R3HDM1: variants seen among roughly 807,000 people sequenced by gnomAD.
R3HDM1 encodes the protein R3H domain containing 1, also known as R3H domain-containing protein 1.
R3HDM1 carries 46 observed loss-of-function variants against 141.1 expected under a neutral mutation model. That is an observed-to-expected ratio of 0.33 (90% CI 0.26 to 0.42). The LOEUF is 0.42. Among genes scored for constraint, R3HDM1 ranks in the 10% least tolerant of loss-of-function variants. The probability of loss-of-function intolerance (pLI) is 1.00; values close to 1 mark genes in which losing one functional copy is unlikely to be tolerated. For missense variants in R3HDM1, 1,184 were observed against 1,368.3 expected, an observed-to-expected ratio of 0.87 and a Z score of 2.12; for synonymous variants, 435 against 472.9, an observed-to-expected ratio of 0.92 and a Z score of 1.04.
intron 1 of R3HDM1, among the ~76,000 whole-genome samples, chr2:135,543,771 C>T (rs1314072615): frequency 6.6e-6 from 1 of 152,164 alleles, no homozygotes; most frequent in African/African-American, 2.4e-5. Context: ...CCTGCTTTTG[C>T]ATTCACTCTG....
intron 23 of R3HDM1, 143 bp from the exon 24 acceptor site, chr2:135,715,407 G>A (rs531822177): frequency 2.3e-6 from 2 of 888,448 alleles, no homozygotes; most frequent in African/African-American, 3.4e-5. Context: ...TCTGTTACCA[G>A]TGTTTATTTT....
At position 135,708,958 on chromosome 2, in the gene R3HDM1, C is replaced by CAAAAA. The variant is rs374959932; in HGVS notation, c.2460-459_2460-455dup. 4.9e-5 allele frequency among the ~76,000 whole-genome samples: 5 copies of CAAAAA among 102,910 alleles called. 1 individual carries two copies. The highest frequency in any genetic ancestry group is 5.5e-5 in the Non-Finnish European group (3 of 54,818). 67.5% of individuals were successfully genotyped at this position (102,910 alleles called of 152,430 possible). A position where few individuals can be genotyped will look rare whatever the true frequency, so the allele number is the denominator to read the frequency against. On this transcript the variant is annotated intron_variant, in intron 21 of 26. Transcript: ENST00000683871. ...TGGGTGACAGGGCAGAACTCTGTCT[C>CAAAAA]AAAAAAAAAAAAAAAAAAAACTAAC...
At chr2:135,600,625 G>A (rs561065922) in intron 1 of R3HDM1, among the ~76,000 whole-genome samples, 228 of 152,254 alleles carry the variant, frequency 1.5e-3, no homozygotes, top group African/African-American at 5.2e-3. Flanking sequence ...TTAAATTATC[G>A]TCTAATGCTA....
At chr2:135,694,532 A>G (rs979639835) in intron 21 of R3HDM1, among the ~76,000 whole-genome samples, 9 of 152,214 alleles carry the variant, frequency 5.9e-5, no homozygotes, top group Non-Finnish European at 1.2e-4. Flanking sequence ...AATTATGTGA[A>G]ACAGTAGTTT....
At chr2:135,556,021 G>A (rs1238508272) in intron 1 of R3HDM1, among the ~76,000 whole-genome samples, 1 of 152,036 alleles carries the variant, frequency 6.6e-6, no homozygotes, top group African/African-American at 2.4e-5. Context: ...GTCCCAAGTG[G>A]GGGGATGGGG....
chr2:135,598,113 T>G (rs1046228466), intron 1 of R3HDM1, among the ~76,000 whole-genome samples: 1 of 152,200 alleles, frequency 6.6e-6, no homozygotes, highest in Admixed American at 6.5e-5. Flanking sequence ...CTTGCTTTGT[T>G]TCATAGAGGA....
At chr2:135,598,069 A>G (rs1484391115) in intron 1 of R3HDM1, among the ~76,000 whole-genome samples, 1 of 152,142 alleles carries the variant, frequency 6.6e-6, no homozygotes, top group Non-Finnish European at 1.5e-5. Flanking sequence ...CATATATACT[A>G]GTTTGCCTTT....
At chr2:135,703,402 T>G (rs2074492756) in intron 21 of R3HDM1, among the ~76,000 whole-genome samples, 1 of 152,214 alleles carries the variant, frequency 6.6e-6, no homozygotes, top group South Asian at 2.1e-4. Context: ...TGCTGTAAAT[T>G]TATTTTAGAA....
chr2:135,651,813 G>A lies in R3HDM1; in HGVS notation c.1809G>A (p.Met603Ile), dbSNP rs773912682. 7.4e-6 allele frequency: 12 copies of A among 1,614,132 alleles called. No homozygotes were observed. The highest frequency in any genetic ancestry group is 1.0e-5 in the Non-Finnish European group (12 of 1,180,022). ...SADGSDPHAA[M>I]FQSTVVLQSP... ...ATGGTTCTGACCCTCATGCCGCCAT[G>A]TTCCAGTCCACTGTGGTTCTTCAGT... Residue 603 changes from methionine to isoleucine, a missense_variant, in exon 18 of 27, where the codon ATG (methionine) becomes ATA (isoleucine). Around this residue, in one of 5 missense-constraint regions of R3HDM1, gnomAD observed 563 missense variants for 562.0 expected, o/e 1.00. Transcript: ENST00000683871.
At chr2:135,707,556 C>T (rs549205785) in intron 21 of R3HDM1, among the ~76,000 whole-genome samples, 6 of 152,298 alleles carry the variant, frequency 3.9e-5, no homozygotes, top group African/African-American at 1.4e-4. Flanking sequence ...ATATTGCTTA[C>T]TTCAGTGACC....
chr2:135,689,091 G>T (rs1334177382), intron 21 of R3HDM1, among the ~76,000 whole-genome samples: 1 of 152,180 alleles, frequency 6.6e-6, no homozygotes, highest in Non-Finnish European at 1.5e-5. Flanking sequence ...GTCTGGCCCT[G>T]ATCTTAAGCC....
At chr2:135,650,860 T>G (rs1310069109) in intron 17 of R3HDM1, 2 of 985,292 alleles carry the variant, frequency 2.0e-6, no homozygotes, top group African/African-American at 3.5e-5. Flanking sequence ...ATTGCCACAA[T>G]TTTGTAAGTC....
chr2:135,537,991 C>T (rs1324649632), intron 1 of R3HDM1, among the ~76,000 whole-genome samples: 1 of 152,160 alleles, frequency 6.6e-6, no homozygotes, highest in African/African-American at 2.4e-5. Flanking sequence ...AAGGAACAAA[C>T]TGCAGTCACA....
chr2:135,561,648 G>T (rs1701813051), intron 1 of R3HDM1, among the ~76,000 whole-genome samples: 1 of 151,944 alleles, frequency 6.6e-6, no homozygotes, highest in South Asian at 2.1e-4. Context: ...AGCCCAAGAT[G>T]TCGAGGCTGT....
At chr2:135,631,159 C>G (rs765665426) in intron 7 of R3HDM1, among the ~76,000 whole-genome samples, 4 of 152,092 alleles carry the variant, frequency 2.6e-5, no homozygotes, top group Non-Finnish European at 5.9e-5. Flanking sequence ...ATTAGATTCC[C>G]ATAGAAGTAT....
At chr2:135,586,877 T>G (rs891240491) in intron 1 of R3HDM1, 2 of 985,256 alleles carry the variant, frequency 2.0e-6, no homozygotes, top group Non-Finnish European at 2.4e-6. Context: ...CATCTTAAAA[T>G]AGACATACTA....
At chr2:135,623,773 A>T (rs2061725255) in intron 7 of R3HDM1, among the ~76,000 whole-genome samples, 1 of 152,232 alleles carries the variant, frequency 6.6e-6, no homozygotes, top group African/African-American at 2.4e-5. Context: ...AAAAGGTATT[A>T]CATAGAAGCT....
chr2:135,586,187 T>A (rs1315027519), intron 1 of R3HDM1: 1 of 152,232 alleles, frequency 6.6e-6, no homozygotes, highest in East Asian at 1.9e-4. Flanking sequence ...ATATTCACAG[T>A]TTCATGGGCT....
chr2:135,565,654 A>G (rs1269005660), intron 1 of R3HDM1: 8 of 151,614 alleles, frequency 5.3e-5, no homozygotes, highest in Admixed American at 4.6e-4. Flanking sequence ...ATATAACTTG[A>G]TAGTAATTAT....
Sources: gnomAD v4.1 joint callset for allele counts (sites outside exome capture counted in the v4.1 genomes callset) on GRCh38, gnomAD v4.1.1 for gene constraint, gnomAD v4.1.1 regional missense constraint, MANE v1.5 for transcripts, NCBI Gene and HGNC (gene_info 2026-07-23, HGNC 2026-07-21) for gene names.